Variants in DNAJB12 observed in about 807,000 individuals in gnomAD.
DNAJB12 encodes the protein DnaJ heat shock protein family (Hsp40) member B12.
In DNAJB12, 14 loss-of-function variants were observed where a neutral mutation model predicts 40.6. The ratio of observed to expected loss-of-function variants is 0.34; its 90% CI spans 0.23 to 0.54. The LOEUF (loss-of-function observed/expected upper bound fraction) is 0.54. Among genes scored for constraint, DNAJB12 ranks in the 20% least tolerant of loss-of-function variants. The pLI is 0.92. For missense variants in DNAJB12, 444 were observed against 501.7 expected, an observed-to-expected ratio of 0.89 and a Z score of 1.10; for synonymous variants, 181 against 199.5, an observed-to-expected ratio of 0.91 and a Z score of 0.78.
At chr10:72,340,326 G>T (rs927184038) in intron 5 of DNAJB12, among the ~76,000 whole-genome samples, 25 of 151,670 alleles carry the variant, frequency 1.6e-4, no homozygotes, top group Non-Finnish European at 2.9e-5. Flanking sequence ...CTGGGCGAGA[G>T]AGCAAGACTC....
intron 5 of DNAJB12, among the ~76,000 whole-genome samples, chr10:72,339,949 G>C (rs1205496237): frequency 1.3e-5 from 2 of 152,052 alleles, no homozygotes; most frequent in Non-Finnish European, 2.9e-5. Flanking sequence ...GACCTCAGGT[G>C]ATCTACCCAC....
chr10:72,343,415 T>C lies in DNAJB12; in HGVS notation c.408A>G (p.Lys136=). 1.2e-6 allele frequency: 2 copies of C among 1,614,128 alleles called. No individual in the cohort carries two copies. Among genetic ancestry groups the C allele is most frequent in the Non-Finnish European group, 1.7e-6 (2 of 1,179,994 alleles). Residue 136 remains lysine (K), a synonymous_variant, in exon 3 of 9, where the codon AAA becomes AAG. Coordinates refer to ENST00000444643, the MANE Select transcript of DNAJB12 (RefSeq NM_017626.7). The stretch of plus-strand genomic sequence containing the variant: ...GTGCGTGGTTCTTGTCTGGGTGGAA[T>C]TTGAGGGCCAGTCTGCGGTAGGCCT... ...LKKAYRRLAL[K]FHPDKNHAPG...
Position 72,335,116 on chromosome 10 carries a change from T to C in DNAJB12, c.*31-499A>G. On this transcript the variant is annotated intron_variant, in intron 8 of 8. Transcript: ENST00000444643. This position sits in a 1 kb window ranked among gnomAD's most constrained non-coding sequence, Gnocchi z 4.4. Reference sequence around the variant, plus strand: ...GGCGAGATGCCTGGGCAAGGCCGGATGCCTGTGGCTTCCAGGCTGCCAGGT... The same window carrying C: ...GGCGAGATGCCTGGGCAAGGCCGGACGCCTGTGGCTTCCAGGCTGCCAGGT... The C allele has an allele frequency of 1.0e-6, 1 of 989,696 alleles. No individual in the cohort carries two copies. The highest frequency in any genetic ancestry group is 1.7e-5 in the African/African-American group (1 of 57,478). The allele number at this position is 989,696 out of a possible 1,614,324, so 61.3% of individuals were successfully genotyped here. A position where few individuals can be genotyped will look rare whatever the true frequency, so the allele number is the denominator to read the frequency against.
chr10:72,334,959 GC>G, intron 8 of DNAJB12: 1 of 1,147,134 alleles, frequency 8.7e-7, no homozygotes, highest in Middle Eastern at 3.6e-4. Flanking sequence ...AGAGCCCAGC[GC>G]CCCCATTCGC....
At position 72,354,864 on chromosome 10, in the gene DNAJB12, T is replaced by A; in HGVS notation, c.34A>T (p.Ile12Phe). Reference sequence around the variant, plus strand: ...TGGATGGCCTTGAGGGCGATGCTGATACAGCGCTCAGCTTCATCCTTGTTG... The same window carrying A: ...TGGATGGCCTTGAGGGCGATGCTGAAACAGCGCTCAGCTTCATCCTTGTTG... The part of the protein sequence containing the change: ...ESNKDEAERC[I>F]SIALKAIQSN... Residue 12 changes from isoleucine to phenylalanine, a missense_variant, in exon 1 of 9, where the codon ATC becomes TTC. By Grantham distance (21) the Ile-to-Phe change is conservative. Transcript: ENST00000444643. 1.2e-6 allele frequency: 2 copies of A among 1,614,118 alleles called. No homozygotes were observed. The highest frequency in any genetic ancestry group is 1.7e-6 in the Non-Finnish European group (2 of 1,179,952).
chr10:72,340,948 C>A (rs1287434706), intron 4 of DNAJB12, 37 bp downstream of exon 4: 1 of 1,610,080 alleles, frequency 6.2e-7, no homozygotes, highest in Admixed American at 1.7e-5. Context: ...ACCATCACCC[C>A]AGGGATACCT....
At position 72,345,081 on chromosome 10, in the gene DNAJB12, T is replaced by C. The variant is rs111565154; in HGVS notation, c.180A>G (p.Gln60=). The part of the protein sequence containing the change: ...LNQKPQTAGD[Q]PPPTDTTHAT... Reference sequence around the variant, plus strand: ...CATGGGTTGTGTCTGTGGGTGGGGGTTGGTCACCGGCAGTCTGTGGTTTCT... The same window carrying C: ...CATGGGTTGTGTCTGTGGGTGGGGGCTGGTCACCGGCAGTCTGTGGTTTCT... Residue 60 remains glutamine (Q), a synonymous_variant, in exon 2 of 9, where the codon CAA becomes CAG. Coordinates refer to ENST00000444643, the MANE Select transcript of DNAJB12 (RefSeq NM_017626.7). 14 of 1,613,854 alleles carry C rather than the reference T, an allele frequency of 8.7e-6. No individual in the cohort carries two copies. Among genetic ancestry groups the C allele is most frequent in the African/African-American group, 4.0e-5 (3 of 74,878 alleles).
At chr10:72,341,219 G>A (rs752564005) in intron 3 of DNAJB12, 49 bp from the exon 4 acceptor site, 13 of 1,559,970 alleles carry the variant, frequency 8.3e-6, no homozygotes, top group Non-Finnish European at 9.6e-6. Flanking sequence ...GGGTGCGGGG[G>A]GAGGCTCCCA....
At chr10:72,347,398 C>G (rs545760499) in intron 1 of DNAJB12, among the ~76,000 whole-genome samples, 6 of 152,330 alleles carry the variant, frequency 3.9e-5, no homozygotes, top group East Asian at 1.9e-4. Flanking sequence ...AGTCAGGAAG[C>G]CTTCCTGGAG....
At chr10:72,343,289 G>A (rs1861687069) in intron 3 of DNAJB12, 77 bp downstream of exon 3, 4 of 1,522,918 alleles carry the variant, frequency 2.6e-6, no homozygotes, top group African/African-American at 1.4e-5. Flanking sequence ...TCCTGGGAAA[G>A]CTGTCTTGGT....
chr10:72,337,821 G>A (rs74145744), intron 6 of DNAJB12, among the ~76,000 whole-genome samples: 3,456 of 152,208 alleles, frequency 0.023, 119 homozygotes, highest in East Asian at 0.086. Context: ...GATGGGCAGG[G>A]AAGAGTCACA....
intron 5 of DNAJB12, among the ~76,000 whole-genome samples, chr10:72,339,541 TA>T (rs373937984): frequency 0.077 from 10,666 of 139,256 alleles, 735 homozygotes; most frequent in African/African-American, 0.2. Context: ...CTCAAAAAAT[TA>T]AAAAAAAAAA....
In DNAJB12 at chr10:72,338,201, C is replaced by T. The variant is rs750430494; in HGVS notation, c.833+1G>A. On this transcript the variant is annotated splice_donor_variant, in intron 6 of 8. Transcript: ENST00000444643. LOFTEE classifies it high-confidence loss of function. ...TGGCCCGGCCTCACCCATGTACTCA[C>T]GGTCTTGGACTCAGACTGTAGGGTG... is the stretch of plus-strand genomic sequence containing the variant. 6.2e-7 allele frequency: 1 copy of T among 1,613,648 alleles called. No individual in the cohort carries two copies. The highest frequency in any genetic ancestry group is 8.5e-7 in the Non-Finnish European group (1 of 1,179,610).
rs150333631 is a variant in DNAJB12 at position 72,345,073 on chromosome 10, G to A, written c.188C>T (p.Pro63Leu). Residue 63 changes from proline (P) to leucine (L), a missense_variant, in exon 2 of 9, where the codon CCC (proline) becomes CTC (leucine). Physicochemically the swap from Pro to Leu is moderately conservative, Grantham distance 98 (BLOSUM62 -3). Coordinates refer to ENST00000444643, the MANE Select transcript of DNAJB12 (RefSeq NM_017626.7). ...KPQTAGDQPP[P>L]TDTTHATHRK... is the part of the protein sequence containing the mutation. Reference sequence around the variant, plus strand: ...GTGGGTGGCATGGGTTGTGTCTGTGGGTGGGGGTTGGTCACCGGCAGTCTG... The same window carrying A: ...GTGGGTGGCATGGGTTGTGTCTGTGAGTGGGGGTTGGTCACCGGCAGTCTG... The A allele has an allele frequency of 3.0e-5, 48 of 1,614,184 alleles. No homozygotes were observed. The African/African-American group carries it at 5.7e-4, about 19-fold the overall frequency.
chr10:72,334,980 G>C (rs1413682597), intron 8 of DNAJB12: 1 of 1,113,638 alleles, frequency 9.0e-7, no homozygotes, highest in African/African-American at 1.6e-5. Context: ...CCGGGCTGCA[G>C]AAGGAGGGAG....
chr10:72,343,579 G>A (rs1861702927), intron 2 of DNAJB12, 68 bp from the exon 3 acceptor site: 3 of 1,551,072 alleles, frequency 1.9e-6, no homozygotes, highest in East Asian at 4.5e-5. Flanking sequence ...CGATGAACAG[G>A]CCGTGTGGGG....
chr10:72,341,152 G>C lies in DNAJB12; in HGVS notation c.476C>G (p.Ala159Gly). ...EAFKAIGTAYAVLSNPEKRKQ... is the reference protein window; with the variant it reads ...EAFKAIGTAYGVLSNPEKRKQ... ...CCTCTTCTCCGGGTTGCTGAGTACC[G>C]CATATGCTGTGCCAATGGCTGGAGA... The change falls in exon 4 of 9, where the codon GCG (alanine) becomes GGG (glycine). Residue 159 changes from alanine (A) to glycine (G), a missense_variant. Coordinates refer to ENST00000444643, the MANE Select transcript of DNAJB12 (RefSeq NM_017626.7). The C allele has an allele frequency of 1.2e-6, 2 of 1,609,762 alleles. No homozygotes were observed. The highest frequency in any genetic ancestry group is 2.7e-5 in the African/African-American group (2 of 74,954).
intron 5 of DNAJB12, among the ~76,000 whole-genome samples, chr10:72,339,756 T>G (rs1861579577): frequency 6.6e-6 from 1 of 150,834 alleles, no homozygotes; most frequent in Non-Finnish European, 1.5e-5. Flanking sequence ...CTCTGTTGCC[T>G]AGGATGGAGT....
chr10:72,348,081 G>GAACAT (rs1861842782), intron 1 of DNAJB12, among the ~76,000 whole-genome samples: 1 of 149,260 alleles, frequency 6.7e-6, no homozygotes, highest in Non-Finnish European at 1.5e-5. Context: ...AAAATTAGCC[G>GAACAT]GCGTGGTGGC....
Sources: gnomAD v4.1 joint callset for allele counts (sites outside exome capture counted in the v4.1 genomes callset) on GRCh38, gnomAD v4.1.1 for gene constraint, Gnocchi (gnomAD v3.1) non-coding constraint, MANE v1.5 for transcripts, NCBI Gene and HGNC (gene_info 2026-07-23, HGNC 2026-07-21) for gene names.